GRAMD1C: variants seen among roughly 807,000 people sequenced by gnomAD.
The protein encoded by GRAMD1C is GRAM domain containing 1C.
GRAMD1C carries 89 observed loss-of-function variants against 97.8 expected under a neutral mutation model. The observed-to-expected ratio is 0.91, with a 90% CI of 0.77 to 1.09. The LOEUF (loss-of-function observed/expected upper bound fraction) is 1.09, where lower values mean the gene tolerates loss of function less well. Among genes scored for constraint, GRAMD1C ranks in the 50% least tolerant of loss-of-function variants. The pLI, the probability that GRAMD1C is intolerant of heterozygous loss-of-function variation, is 0.00. For missense variants in GRAMD1C, 740 were observed against 766.4 expected (o/e 0.97, Z 0.41); for synonymous variants, 256 against 267.0 (o/e 0.96, Z 0.40).
intron 2 of GRAMD1C, among the ~76,000 whole-genome samples, chr3:113,857,020 G>T (rs996106804): frequency 2.0e-5 from 3 of 151,792 alleles, no homozygotes; most frequent in African/African-American, 7.3e-5. Flanking sequence ...TGTATTTTTA[G>T]TAGAGATGGG....
intron 11 of GRAMD1C, among the ~76,000 whole-genome samples, chr3:113,931,957 A>G (rs1351416396): frequency 1.3e-5 from 2 of 152,152 alleles, no homozygotes; most frequent in Admixed American, 1.3e-4. Flanking sequence ...AAGAAGACAT[A>G]AAAAGGAACA....
chr3:113,862,263 A>G (rs1934407154), intron 2 of GRAMD1C, among the ~76,000 whole-genome samples: 1 of 152,130 alleles, frequency 6.6e-6, no homozygotes, highest in African/African-American at 2.4e-5. Flanking sequence ...GCCACGGGAG[A>G]CTGGGGCTTA....
At chr3:113,893,666 C>T (rs1379698872) in intron 6 of GRAMD1C, among the ~76,000 whole-genome samples, 4 of 152,160 alleles carry the variant, frequency 2.6e-5, no homozygotes, top group African/African-American at 9.7e-5. Flanking sequence ...GTTTGGTATA[C>T]AGTTTGGTTT....
intron 2 of GRAMD1C, among the ~76,000 whole-genome samples, chr3:113,856,335 C>T (rs952311700): frequency 6.6e-6 from 1 of 152,020 alleles, no homozygotes; most frequent in African/African-American, 2.4e-5. Flanking sequence ...ACAGTTTCCC[C>T]CAATAGTAAC....
intron 2 of GRAMD1C, among the ~76,000 whole-genome samples, chr3:113,846,597 G>A (rs778456994): frequency 6.6e-6 from 1 of 152,206 alleles, no homozygotes; most frequent in Non-Finnish European, 1.5e-5. Context: ...AAAGAGGGAT[G>A]TGTTCTAGAT....
chr3:113,849,501 C>G (rs566972384), intron 2 of GRAMD1C, among the ~76,000 whole-genome samples: 30 of 151,592 alleles, frequency 2.0e-4, no homozygotes, highest in Admixed American at 1.1e-3. Flanking sequence ...TGACTCTTAA[C>G]GAGCATGCTG....
intron 6 of GRAMD1C, chr3:113,885,546 G>A (rs1174684796): frequency 6.3e-6 from 10 of 1,597,072 alleles, no homozygotes; most frequent in Admixed American, 3.3e-5. Context: ...TCCTGAGGCC[G>A]CAGTCCGGCC....
Position 113,930,753 on chromosome 3 carries a change from A to G in GRAMD1C, c.1130A>G (p.Asp377Gly). ...STPWTAELGGDQLRTMTYTIV... is the reference protein window; with the variant it reads ...STPWTAELGGGQLRTMTYTIV... Reference sequence around the variant, plus strand: ...CCTTGGACTGCAGAACTTGGAGGTGATCAGCTGAGAACGATGACCTACACT... The same window carrying G: ...CCTTGGACTGCAGAACTTGGAGGTGGTCAGCTGAGAACGATGACCTACACT... The change falls in exon 11 of 18, where the codon GAT becomes GGT. Residue 377 changes from aspartate (D) to glycine (G), a missense_variant. Transcript: ENST00000358160. The G allele has an allele frequency of 1.2e-6, 2 of 1,611,248 alleles. 1 individual carries two copies. The highest frequency in any genetic ancestry group is 2.2e-5 in the South Asian group (2 of 91,028).
chr3:113,841,414 T>C (rs1387493005), intron 1 of GRAMD1C, among the ~76,000 whole-genome samples: 1 of 150,332 alleles, frequency 6.7e-6, no homozygotes, highest in African/African-American at 2.4e-5. Context: ...GCCTCCCAAG[T>C]AGCTGGGATT....
intron 9 of GRAMD1C, among the ~76,000 whole-genome samples, chr3:113,914,300 AT>A (rs1053097358): frequency 2.6e-5 from 4 of 152,188 alleles, no homozygotes; most frequent in African/African-American, 9.7e-5. Context: ...TACGTAGAGT[AT>A]TGTTGAAGGG....
intron 6 of GRAMD1C, among the ~76,000 whole-genome samples, chr3:113,888,248 C>T (rs1193427825): frequency 6.6e-6 from 1 of 152,090 alleles, no homozygotes; most frequent in Non-Finnish European, 1.5e-5. Context: ...TCAAATCCAG[C>T]AATGTATGAA....
At position 113,864,990 on chromosome 3, in the gene GRAMD1C, T is replaced by C. The variant is rs145906807; in HGVS notation, c.175-4517T>C. On this transcript the variant is annotated intron_variant, in intron 2 of 17. Coordinates refer to ENST00000358160, the MANE Select transcript of GRAMD1C (RefSeq NM_017577.5). The stretch of plus-strand genomic sequence containing the variant: ...GCTATAACAGAACACCTAGACTGGG[T>C]AATTTATATAGAAAGGAGATTTATT... Among the ~76,000 whole-genome samples the C allele has an allele frequency of 1.4e-4, 21 of 152,226 alleles. 1 individual carries two copies. Among genetic ancestry groups the C allele is most frequent in the Admixed American group, 7.9e-4 (12 of 15,272 alleles).
At chr3:113,843,504 G>A (rs1933465696) in intron 1 of GRAMD1C, among the ~76,000 whole-genome samples, 1 of 151,988 alleles carries the variant, frequency 6.6e-6, no homozygotes, top group South Asian at 2.1e-4. Flanking sequence ...TTTTGAGACA[G>A]AGTCTGGCTC....
At position 113,947,042 on chromosome 3, in the gene GRAMD1C, A is replaced by G. The variant is rs1938128130; in HGVS notation, c.*1564A>G. The G allele has an allele frequency of 6.6e-6, 1 of 152,240 alleles. No individual in the cohort carries two copies. The highest frequency in any genetic ancestry group is 1.5e-5 in the Non-Finnish European group (1 of 68,032). 9.4% of individuals were successfully genotyped at this position (152,240 alleles called of 1,614,324 possible). A position where few individuals can be genotyped will look rare whatever the true frequency, so the allele number is the denominator to read the frequency against. The stretch of plus-strand genomic sequence containing the variant: ...GTTTATTTAAACGTTGTATTTTATA[A>G]CATACTTCAAGGAAGAGTATCGAAG... On this transcript the variant is annotated 3_prime_UTR_variant, in exon 18 of 18. Transcript: ENST00000358160.
At chr3:113,876,039 G>T in intron 4 of GRAMD1C, 126 bp from the exon 5 acceptor site, 1 of 601,376 alleles carries the variant, frequency 1.7e-6, no homozygotes, top group African/African-American at 1.9e-5. Flanking sequence ...ACTCCTTCAA[G>T]TCGAAAAACC....
intron 2 of GRAMD1C, among the ~76,000 whole-genome samples, chr3:113,860,017 A>G (rs1380829497): frequency 1.3e-5 from 2 of 152,148 alleles, no homozygotes; most frequent in African/African-American, 4.8e-5. Flanking sequence ...AAATGAATAA[A>G]ATAGGAATAA....
intron 1 of GRAMD1C, among the ~76,000 whole-genome samples, chr3:113,831,095 C>A: frequency 6.6e-6 from 1 of 152,012 alleles, no homozygotes; most frequent in African/African-American, 2.4e-5. Context: ...TCTCAAAAAA[C>A]AAAAACAGGA....
At chr3:113,854,047 G>C (rs1021845026) in intron 2 of GRAMD1C, among the ~76,000 whole-genome samples, 7 of 152,136 alleles carry the variant, frequency 4.6e-5, no homozygotes, top group Non-Finnish European at 1.0e-4. Context: ...ATTATTCCTA[G>C]GTTTCTGGTC....
intron 17 of GRAMD1C, among the ~76,000 whole-genome samples, chr3:113,945,130 C>T (rs976909546): frequency 2.0e-5 from 3 of 152,076 alleles, no homozygotes; most frequent in Non-Finnish European, 4.4e-5. Flanking sequence ...TCTGTCACTA[C>T]GCTTAATTTG....
Sources: allele counts gnomAD v4.1 joint callset (sites outside exome capture counted in the v4.1 genomes callset), GRCh38; gene constraint gnomAD v4.1.1; transcripts MANE v1.5; gene names NCBI Gene and HGNC (gene_info 2026-07-23, HGNC 2026-07-21).